SMIM36: variants seen among roughly 807,000 people sequenced by gnomAD.
The protein encoded by SMIM36 is small integral membrane protein 36.
chr17:55,501,322 TTATAATA>T (rs1909957750), intron 1 of SMIM36, among the ~76,000 whole-genome samples: 1 of 67,070 alleles, frequency 1.5e-5, no homozygotes, highest in East Asian at 6.3e-4. Context: ...ATATTATATT[TTATAATA>T]TATAATATAT....
chr17:55,474,063 C>G (rs1909385554), intron 3 of SMIM36, among the ~76,000 whole-genome samples: 1 of 152,132 alleles, frequency 6.6e-6, no homozygotes, highest in Non-Finnish European at 1.5e-5. Flanking sequence ...AATCACGACC[C>G]TCTCACGCGG....
At chr17:55,466,621 C>T (rs946669094) in intron 4 of SMIM36, among the ~76,000 whole-genome samples, 7 of 152,208 alleles carry the variant, frequency 4.6e-5, no homozygotes, top group Non-Finnish European at 7.3e-5. Flanking sequence ...CATTTCGGAG[C>T]TCCTCTTCAT....
chr17:55,520,353 T>C, the SMIM36 span, among the ~76,000 whole-genome samples: 75 of 152,328 alleles, frequency 4.9e-4, no homozygotes, highest in African/African-American at 1.8e-3. Flanking sequence ...TAACCACCAA[T>C]CTTAGCAACC....
rs148933044 is a variant in SMIM36, at chr17:55,493,713, G to A, written c.*175-14133C>T. On this transcript the variant is annotated intron_variant, in intron 1 of 4. Coordinates refer to ENST00000636752, the Ensembl canonical transcript of SMIM36. The stretch of plus-strand genomic sequence containing the variant: ...TAGCCCCAGCTACTTAGGAGGCTGA[G>A]GTGGGAGGATCCCTTGAGCCTGGGA... Among the ~76,000 whole-genome samples, 1,493 of 151,302 alleles carry A rather than the reference G, an allele frequency of 9.9e-3. 42 individuals carry two copies. The highest frequency in any genetic ancestry group is 0.059 in the Admixed American group (898 of 15,116).
chr17:55,498,037 T>C (rs978047289), intron 1 of SMIM36, among the ~76,000 whole-genome samples: 4 of 152,210 alleles, frequency 2.6e-5, no homozygotes, highest in Non-Finnish European at 1.5e-5. Flanking sequence ...AGCCAGGCCA[T>C]GTTCCTTTTG....
chr17:55,483,689 C>G (rs1035786508), intron 1 of SMIM36, among the ~76,000 whole-genome samples: 1 of 152,160 alleles, frequency 6.6e-6, no homozygotes, highest in African/African-American at 2.4e-5. Context: ...TTGCTCTGTA[C>G]AGTGGCACAA....
At chr17:55,477,247 T>G (rs2143269479) in intron 3 of SMIM36, 1 of 152,356 alleles carries the variant, frequency 6.6e-6, no homozygotes. Context: ...TGTTTCATAG[T>G]TATGGAGGCT....
At chr17:55,483,777 G>A (rs1229891954) in intron 1 of SMIM36, among the ~76,000 whole-genome samples, 1 of 152,082 alleles carries the variant, frequency 6.6e-6, no homozygotes, top group Non-Finnish European at 1.5e-5. Context: ...GGGATGATGT[G>A]TGTGTACCCG....
the SMIM36 span, among the ~76,000 whole-genome samples, chr17:55,518,993 G>T: frequency 3.5e-5 from 5 of 143,120 alleles, no homozygotes; most frequent in Admixed American, 1.4e-4. Flanking sequence ...TGATATTTGG[G>T]TTTTTTTTTT....
At chr17:55,500,052 G>C (rs1018060142) in intron 1 of SMIM36, among the ~76,000 whole-genome samples, 9 of 151,262 alleles carry the variant, frequency 5.9e-5, no homozygotes, top group African/African-American at 1.9e-4. Flanking sequence ...TTTTCTGTTA[G>C]CTCTGAGGCC....
At chr17:55,514,039 C>T (rs1280189991), upstream of SMIM36, among the ~76,000 whole-genome samples, 1 of 152,094 alleles carries the variant, frequency 6.6e-6, no homozygotes, top group Non-Finnish European at 1.5e-5. Context: ...ATTTGAAGTC[C>T]AGTCTCATGA....
At chr17:55,488,112 T>G (rs1909639689) in intron 1 of SMIM36, among the ~76,000 whole-genome samples, 1 of 152,244 alleles carries the variant, frequency 6.6e-6, no homozygotes, top group South Asian at 2.1e-4. Context: ...TGGCCCAGTT[T>G]TCCTTACTAT....
rs1238629204 is a variant in SMIM36 at position 55,501,060 on chromosome 17, AT to A, written c.*174+9818del. Among the ~76,000 whole-genome samples, 21 of 26,424 alleles carry A rather than the reference AT, an allele frequency of 7.9e-4. 1 individual carries two copies. The highest frequency in any genetic ancestry group is 1.1e-3 in the Non-Finnish European group (19 of 17,012). The allele number at this position is 26,424 out of a possible 152,430, so 17.3% of individuals were successfully genotyped here. ...TATTATATATTATAATATATAATATATTATTATATATTATAATATATAATAT... is the reference window on the plus strand; with the variant it reads ...TATTATATATTATAATATATAATATATATTATATATTATAATATATAATAT... On this transcript the variant is annotated intron_variant, in intron 1 of 4. Coordinates refer to ENST00000636752, the Ensembl canonical transcript of SMIM36.
At chr17:55,486,040 C>CTT (rs11356976) in intron 1 of SMIM36, among the ~76,000 whole-genome samples, 25 of 135,674 alleles carry the variant, frequency 1.8e-4, no homozygotes, top group African/African-American at 5.8e-4. Context: ...TTCCTTTATT[C>CTT]TTTTTTTTTT....
At chr17:55,489,460 C>T (rs1416971795) in intron 1 of SMIM36, among the ~76,000 whole-genome samples, 1 of 152,042 alleles carries the variant, frequency 6.6e-6, no homozygotes, top group Non-Finnish European at 1.5e-5. Context: ...ATCTTCAAAC[C>T]GCATTATCTG....
intron 1 of SMIM36, among the ~76,000 whole-genome samples, chr17:55,491,358 A>T (rs928459309): frequency 2.6e-5 from 4 of 151,996 alleles, no homozygotes; most frequent in Admixed American, 2.6e-4. Context: ...AGGAGTTAAT[A>T]TCATCATTAT....
At chr17:55,510,416 G>T (rs933317627) in intron 1 of SMIM36, among the ~76,000 whole-genome samples, 1 of 151,990 alleles carries the variant, frequency 6.6e-6, no homozygotes, top group African/African-American at 2.4e-5. Context: ...ACCAGCCTGG[G>T]CAACATAGTG....
chr17:55,527,699 G>T, the SMIM36 span: 3 of 152,170 alleles, frequency 2.0e-5, no homozygotes, highest in East Asian at 5.8e-4. Flanking sequence ...GAGAAACACT[G>T]CATGTGCACG....
chr17:55,501,437 A>T (rs1455231160), intron 1 of SMIM36, among the ~76,000 whole-genome samples: 2 of 66,472 alleles, frequency 3.0e-5, no homozygotes, highest in African/African-American at 1.2e-4. Flanking sequence ...ATTATTATAT[A>T]TTATAAAATA....
Sources: allele counts gnomAD v4.1 joint callset (sites outside exome capture counted in the v4.1 genomes callset), GRCh38; gene constraint gnomAD v4.1.1; transcripts MANE v1.5; gene names NCBI Gene and HGNC (gene_info 2026-07-23, HGNC 2026-07-21).